The following PPFIA2 variants were observed in gnomAD, a reference collection of about 807,000 sequenced individuals.
The protein encoded by PPFIA2 is liprin-alpha-2.
In PPFIA2, 46 loss-of-function variants were observed where a neutral mutation model predicts 175.5. That is an observed-to-expected ratio of 0.26 (90% CI 0.21 to 0.34). PPFIA2 has a LOEUF of 0.34. Among genes scored for constraint, PPFIA2 ranks in the 10% least tolerant of loss-of-function variants. The pLI, the probability that PPFIA2 is intolerant of heterozygous loss-of-function variation, is 1.00. For synonymous variants in PPFIA2, 568 were observed against 511.4 expected, an observed-to-expected ratio of 1.11 and a Z score of -1.49; for missense variants, 1,179 against 1,506.1, an observed-to-expected ratio of 0.78 and a Z score of 3.60.
chr12:81,614,972 A>G (rs1274664414), intron 4 of PPFIA2, among the ~76,000 whole-genome samples: 2 of 152,226 alleles, frequency 1.3e-5, no homozygotes, highest in Non-Finnish European at 2.9e-5. Context: ...ACAAAGCCAC[A>G]GTATAAATTA....
rs1344547405 is a variant in PPFIA2, at chr12:81,259,265, A to C, written c.*429T>G. On this transcript the variant is annotated 3_prime_UTR_variant, in exon 33 of 33. Coordinates refer to ENST00000549396, the MANE Select transcript of PPFIA2 (RefSeq NM_003625.5). The stretch of plus-strand genomic sequence containing the variant: ...GAATTGTCAAATGTTTGCACTCGAG[A>C]CTCCATGAACCATATATTTTATTTT... The C allele has an allele frequency of 3.5e-6, 1 of 289,024 alleles. No individual in the cohort carries two copies. Among genetic ancestry groups the C allele is most frequent in the Middle Eastern group, 1.2e-3 (1 of 838 alleles). 17.9% of individuals were successfully genotyped at this position (289,024 alleles called of 1,614,324 possible). A position where few individuals can be genotyped will look rare whatever the true frequency, so the allele number is the denominator to read the frequency against.
At chr12:81,567,857 C>T (rs1400559498) in intron 4 of PPFIA2, among the ~76,000 whole-genome samples, 1 of 152,126 alleles carries the variant, frequency 6.6e-6, no homozygotes, top group Admixed American at 6.5e-5. Context: ...ATTATTGAAC[C>T]TCGGTGGAAA....
chr12:81,374,851 G>A (rs2035994124), intron 10 of PPFIA2, 83 bp from the exon 11 acceptor site: 3 of 1,316,778 alleles, frequency 2.3e-6, no homozygotes, highest in East Asian at 4.7e-5. Flanking sequence ...TTGCACTTCA[G>A]CCATGATTCT....
chr12:81,684,521 T>C (rs1165205446), intron 3 of PPFIA2, among the ~76,000 whole-genome samples: 2 of 152,170 alleles, frequency 1.3e-5, no homozygotes, highest in Non-Finnish European at 2.9e-5. Flanking sequence ...ATACTATTTT[T>C]ACATATATAA....
chr12:81,335,621 G>A (rs2140167917), intron 21 of PPFIA2, among the ~76,000 whole-genome samples: 1 of 152,170 alleles, frequency 6.6e-6, no homozygotes, highest in Non-Finnish European at 1.5e-5. Flanking sequence ...GTGGGTGCCT[G>A]TAATCCCAGC....
intron 4 of PPFIA2, among the ~76,000 whole-genome samples, chr12:81,496,254 G>A (rs1010039229): frequency 6.6e-6 from 1 of 152,120 alleles, no homozygotes; most frequent in African/African-American, 2.4e-5. Context: ...TTTAGGAAAG[G>A]AGCTCTTAGA....
intron 3 of PPFIA2, among the ~76,000 whole-genome samples, chr12:81,707,919 A>G (rs1241388199): frequency 6.6e-6 from 1 of 150,692 alleles, no homozygotes; most frequent in Non-Finnish European, 1.5e-5. Context: ...AACTATCGCA[A>G]GAACAAAAAA....
intron 5 of PPFIA2, 39 bp from the exon 6 acceptor site, chr12:81,445,759 A>G (rs2051131534): frequency 4.5e-6 from 7 of 1,568,418 alleles, no homozygotes; most frequent in East Asian, 2.3e-5. Context: ...TCTTATGAAT[A>G]CAAGTCATAA....
chr12:81,508,843 C>T (rs1420682109), intron 4 of PPFIA2, among the ~76,000 whole-genome samples: 3 of 148,452 alleles, frequency 2.0e-5, no homozygotes, highest in African/African-American at 7.5e-5. Flanking sequence ...CAATTCCCAC[C>T]TATGAGTGAG....
intron 8 of PPFIA2, 130 bp downstream of exon 8, chr12:81,405,657 T>C (rs1422389246): frequency 1.8e-6 from 1 of 568,642 alleles, no homozygotes; most frequent in South Asian, 2.8e-5. Flanking sequence ...GAAATAACCA[T>C]AAACCTTGAA....
intron 4 of PPFIA2, chr12:81,535,533 T>C: frequency 4.4e-6 from 2 of 449,680 alleles, no homozygotes; most frequent in South Asian, 3.2e-5. Context: ...AACATCTAAC[T>C]CAATAACACA....
At chr12:81,556,058 A>G (rs2068804782) in intron 4 of PPFIA2, among the ~76,000 whole-genome samples, 2 of 151,956 alleles carry the variant, frequency 1.3e-5, no homozygotes, top group African/African-American at 4.8e-5. Context: ...ACTGGTCTGT[A>G]ACTAGCCATG....
intron 4 of PPFIA2, among the ~76,000 whole-genome samples, chr12:81,496,836 A>T (rs2060078843): frequency 6.6e-6 from 1 of 152,214 alleles, no homozygotes; most frequent in Non-Finnish European, 1.5e-5. Context: ...TATGCTAAAA[A>T]TGGGAGCCAA....
chr12:81,313,750 C>T lies in PPFIA2; in HGVS notation c.2642+12027G>A, dbSNP rs573405682. 8.5e-5 allele frequency among the ~76,000 whole-genome samples: 13 copies of T among 152,156 alleles called. No homozygotes were observed. The South Asian group carries it at 2.1e-3, about 24-fold the overall frequency. On this transcript the variant is annotated intron_variant, in intron 22 of 32. Coordinates refer to ENST00000549396, the MANE Select transcript of PPFIA2 (RefSeq NM_003625.5). ...GGAAAATTGCCAAAAGCATTTGGGA[C>T]TAGTTATCACCATGGACAACATAAT...
chr12:81,685,156 A>T (rs1414028302), intron 3 of PPFIA2, among the ~76,000 whole-genome samples: 2 of 152,072 alleles, frequency 1.3e-5, no homozygotes, highest in Non-Finnish European at 2.9e-5. Context: ...ATTTTAAACA[A>T]ATCATTCACT....
chr12:81,521,263 C>T (rs1462011741), intron 4 of PPFIA2, among the ~76,000 whole-genome samples: 1 of 151,568 alleles, frequency 6.6e-6, no homozygotes, highest in South Asian at 2.1e-4. Context: ...GAGTTTTGAG[C>T]CTTCTGCATG....
chr12:81,405,661 C>A (rs1426712199), intron 8 of PPFIA2, 126 bp downstream of exon 8: 8 of 584,120 alleles, frequency 1.4e-5, no homozygotes, highest in Non-Finnish European at 2.4e-5. Context: ...TAACCATAAA[C>A]CTTGAACCTT....
intron 23 of PPFIA2, among the ~76,000 whole-genome samples, chr12:81,299,097 C>A (rs2138215169): frequency 6.6e-6 from 1 of 152,048 alleles, no homozygotes; most frequent in East Asian, 1.9e-4. Flanking sequence ...TCCTTTTATC[C>A]CACTGCATGA....
At chr12:81,567,970 C>T (rs144261923) in intron 4 of PPFIA2, among the ~76,000 whole-genome samples, 139 of 152,284 alleles carry the variant, frequency 9.1e-4, no homozygotes, top group African/African-American at 3.0e-3. Flanking sequence ...CTTGTGGATG[C>T]CTGTGTCCTT....
Sources: allele counts gnomAD v4.1 joint callset (sites outside exome capture counted in the v4.1 genomes callset), GRCh38; gene constraint gnomAD v4.1.1; transcripts MANE v1.5; gene names NCBI Gene and HGNC (gene_info 2026-07-23, HGNC 2026-07-21).